TRPM4: variants seen among roughly 807,000 people sequenced by gnomAD.
TRPM4 encodes the protein transient receptor potential cation channel subfamily M member 4.
Under a neutral mutation model 135.6 loss-of-function variants are expected in TRPM4, and 124 were observed. The ratio of observed to expected loss-of-function variants is 0.91; its 90% confidence interval spans 0.79 to 1.06. The LOEUF is 1.06. Among genes scored for constraint, TRPM4 ranks in the 50% least tolerant of loss-of-function variants. TRPM4 has a pLI of 0.00. For synonymous variants in TRPM4, 745 were observed against 705.6 expected, an observed-to-expected ratio of 1.06 and a Z score of -0.88; for missense variants, 1,658 against 1,671.4, an observed-to-expected ratio of 0.99 and a Z score of 0.14.
At chr19:49,206,646 T>G (rs1250678190) in intron 20 of TRPM4, among the ~76,000 whole-genome samples, 1 of 151,510 alleles carries the variant, frequency 6.6e-6, no homozygotes. Context: ...TCCATGTTGG[T>G]CAGGCTGGTC....
Position 49,211,481 on chromosome 19 carries a change from T to C in TRPM4, c.3641-13T>C. 6.2e-7 allele frequency: 1 copy of C among 1,614,046 alleles called. No individual in the cohort carries two copies. The highest frequency in any genetic ancestry group is 8.5e-7 in the Non-Finnish European group (1 of 1,180,046). On this transcript the variant is annotated splice_polypyrimidine_tract_variant and intron_variant, in intron 24 of 24. Coordinates refer to ENST00000252826, the MANE Select transcript of TRPM4 (RefSeq NM_017636.4). This position sits in a 1 kb window ranked among gnomAD's most constrained non-coding sequence, Gnocchi z 4.8. ...TGCCAATCACCTGCTCTCTCTTTTCTCTCTTCCCCCAGACTGAGCCCTGCT... is the reference window on the plus strand; with the variant it reads ...TGCCAATCACCTGCTCTCTCTTTTCCCTCTTCCCCCAGACTGAGCCCTGCT...
intron 17 of TRPM4, among the ~76,000 whole-genome samples, chr19:49,198,646 CAAAAAAAA>C (rs35173042): frequency 2.8e-5 from 2 of 72,700 alleles, no homozygotes; most frequent in East Asian, 4.1e-4. Context: ...AAAACTCTGT[CAAAAAAAA>C]AAAAAAAAAA....
intron 16 of TRPM4, among the ~76,000 whole-genome samples, chr19:49,195,456 C>T (rs181400154): frequency 8.4e-4 from 128 of 152,202 alleles, no homozygotes; most frequent in African/African-American, 2.8e-3. Flanking sequence ...CCACAACCTC[C>T]GCCTCCCGGG....
In TRPM4 at chr19:49,171,654, C is replaced by T. The variant is rs138095759; in HGVS notation, c.935C>T (p.Ala312Val). Reference sequence around the variant, plus strand: ...TCAGGGGGAGCTGCGGACTGCCTGGCGGAGACCCTGGAAGACACTCTGGCC... The same window carrying T: ...TCAGGGGGAGCTGCGGACTGCCTGGTGGAGACCCTGGAAGACACTCTGGCC... The part of the protein sequence containing the change: ...AGSGGAADCL[A>V]ETLEDTLAPG... The change falls in exon 8 of 25, where the codon GCG (alanine) becomes GTG (valine). Residue 312 changes from alanine to valine, a missense_variant. Ala to Val is a moderately conservative substitution (Grantham distance 64). Transcript: ENST00000252826. This position sits in a 1 kb window ranked among gnomAD's most constrained non-coding sequence, Gnocchi z 4.7. 2.0e-5 allele frequency: 32 copies of T among 1,613,800 alleles called. No homozygotes were observed. Among genetic ancestry groups the T allele is most frequent in the Middle Eastern group, 1.6e-4 (1 of 6,080 alleles).
intron 2 of TRPM4, among the ~76,000 whole-genome samples, chr19:49,164,479 A>C (rs1208334418): frequency 7.3e-6 from 1 of 137,604 alleles, no homozygotes; most frequent in Non-Finnish European, 1.5e-5. Context: ...CCTGGGTTCA[A>C]CCAATTCTCC....
At chr19:49,199,852 G>A (rs1488729138) in intron 17 of TRPM4, among the ~76,000 whole-genome samples, 1 of 152,150 alleles carries the variant, frequency 6.6e-6, no homozygotes, top group Non-Finnish European at 1.5e-5. Flanking sequence ...ATGCAAAATA[G>A]GGGTAGAATT....
At chr19:49,174,680 C>T (rs891562695) in intron 9 of TRPM4, among the ~76,000 whole-genome samples, 8 of 148,052 alleles carry the variant, frequency 5.4e-5, no homozygotes, top group Non-Finnish European at 1.2e-4. Flanking sequence ...GGGAATCGCT[C>T]GAACCTAGGA....
intron 16 of TRPM4, among the ~76,000 whole-genome samples, chr19:49,195,315 T>C (rs1968588405): frequency 6.6e-6 from 1 of 152,252 alleles, no homozygotes; most frequent in African/African-American, 2.4e-5. Flanking sequence ...TTGCCTGTTT[T>C]GCACACTTCA....
chr19:49,190,408 A>C, intron 15 of TRPM4, 88 bp downstream of exon 15: 2 of 1,199,774 alleles, frequency 1.7e-6, no homozygotes, highest in African/African-American at 1.5e-5. Context: ...TTCTTCCCTC[A>C]TCGGCCCATT....
intron 20 of TRPM4, among the ~76,000 whole-genome samples, chr19:49,206,008 G>A (rs189718227): frequency 1.5e-4 from 23 of 151,908 alleles, no homozygotes; most frequent in African/African-American, 2.7e-4. Flanking sequence ...TCACCCAGGC[G>A]GGATTGCAGT....
Position 49,210,934 on chromosome 19 carries a change from G to T in TRPM4, c.3462-81G>T, listed in dbSNP as rs1969338749. The stretch of plus-strand genomic sequence containing the variant: ...CAGGGTCCTGGGAGGGAGGGAGAGA[G>T]GGAGGAGGCCCGGGAAGCAGGCAGA... On this transcript the variant is annotated intron_variant, in intron 22 of 24. Transcript: ENST00000252826. This position sits in a 1 kb window ranked among gnomAD's most constrained non-coding sequence, Gnocchi z 4.1. The T allele has an allele frequency of 6.3e-7, 1 of 1,592,154 alleles. No homozygotes were observed. The highest frequency in any genetic ancestry group is 8.5e-7 in the Non-Finnish European group (1 of 1,169,832).
intron 12 of TRPM4, 55 bp downstream of exon 12, chr19:49,183,267 G>C (rs1968070457): frequency 6.2e-7 from 1 of 1,611,302 alleles, no homozygotes. Context: ...CTGGATGCCA[G>C]TGTTCCCGAA....
At position 49,157,906 on chromosome 19, in the gene TRPM4, G is replaced by A; in HGVS notation, c.24+16G>A. On this transcript the variant is annotated intron_variant, in intron 1 of 24. Coordinates refer to ENST00000252826, the MANE Select transcript of TRPM4 (RefSeq NM_017636.4). ...GAAGGAGCAGGTGAGCGCCGGACCA[G>A]GGTCTGCGGGAGCGCGGAGCTGGGG... 6.5e-7 allele frequency: 1 copy of A among 1,535,342 alleles called. No homozygotes were observed. The highest frequency in any genetic ancestry group is 8.7e-7 in the Non-Finnish European group (1 of 1,146,484).
intron 2 of TRPM4, among the ~76,000 whole-genome samples, chr19:49,161,597 C>T (rs1287950011): frequency 6.6e-6 from 1 of 150,530 alleles, no homozygotes; most frequent in Non-Finnish European, 1.5e-5. Flanking sequence ...TGCCAAAGTG[C>T]TGGAATTACA....
chr19:49,182,281 CATCT>C lies in TRPM4; in HGVS notation c.1264-295_1264-292del, dbSNP rs1160633475. Among the ~76,000 whole-genome samples, 9 of 150,530 alleles carry C rather than the reference CATCT, an allele frequency of 6.0e-5. No individual in the cohort carries two copies. The South Asian group carries it at 8.5e-4, about 14-fold the overall frequency. Reference sequence around the variant, plus strand: ...CCATCCATTCATCTGTCCATCCATCCATCTACCTATCCGTTCATCCATCCATCCC... The same window carrying C: ...CCATCCATTCATCTGTCCATCCATCCACCTATCCGTTCATCCATCCATCCC... On this transcript the variant is annotated intron_variant, in intron 10 of 24. Transcript: ENST00000252826.
At position 49,188,636 on chromosome 19, in the gene TRPM4, T is replaced by TC; in HGVS notation, c.1744-3dup. The TC allele has an allele frequency of 6.2e-7, 1 of 1,614,158 alleles. No individual in the cohort carries two copies. The highest frequency in any genetic ancestry group is 8.5e-7 in the Non-Finnish European group (1 of 1,180,034). On this transcript the variant is annotated splice_polypyrimidine_tract_variant and splice_region_variant and intron_variant, in intron 12 of 24. Transcript: ENST00000252826. ...GACGCATCCGTGCCCTCTTTGTCTC[T>TC]CCAGGGTTCCAATGCAGTTTCCTCA...
chr19:49,204,982 GT>G (rs756332219), intron 20 of TRPM4, among the ~76,000 whole-genome samples: 412 of 60,762 alleles, frequency 6.8e-3, no homozygotes, highest in East Asian at 0.017. Flanking sequence ...GGCTTTGGTT[GT>G]TTTTTTTTTT....
At chr19:49,190,982 C>T (rs1600483726) in intron 16 of TRPM4, among the ~76,000 whole-genome samples, 1 of 152,074 alleles carries the variant, frequency 6.6e-6, no homozygotes, top group African/African-American at 2.4e-5. Context: ...GGCTGGTGAG[C>T]CCTCAGGAAG....
chr19:49,197,308 TTTTCTTTCTTTCTTTCTTTCTTTC>T (rs78342507), intron 17 of TRPM4, among the ~76,000 whole-genome samples: 22 of 122,248 alleles, frequency 1.8e-4, no homozygotes, highest in South Asian at 5.5e-4. Context: ...CTTTCTTTCT[TTTTCTTTCTTTCTTTCTTTCTTTC>T]TTTCTTTCTT....
Sources: gnomAD v4.1 joint callset for allele counts (sites outside exome capture counted in the v4.1 genomes callset) on GRCh38, gnomAD v4.1.1 for gene constraint, Gnocchi (gnomAD v3.1) non-coding constraint, MANE v1.5 for transcripts, NCBI Gene and HGNC (gene_info 2026-07-23, HGNC 2026-07-21) for gene names.